DTNBP1: variants seen among roughly 807,000 people sequenced by gnomAD.
The protein encoded by DTNBP1 is dystrobrevin binding protein 1, also known as dysbindin.
In DTNBP1, 35 loss-of-function variants were observed where a neutral mutation model predicts 42.8. That is an observed-to-expected ratio of 0.82 (90% CI 0.63 to 1.09). DTNBP1 has a LOEUF of 1.09. Ranked by LOEUF, DTNBP1 falls within the 50% of genes least tolerant of loss-of-function variation. DTNBP1 has a pLI of 0.00. For missense variants in DTNBP1, 457 were observed against 424.2 expected (o/e 1.08, Z -0.68); for synonymous variants, 171 against 162.2 (o/e 1.05, Z -0.41).
intron 7 of DTNBP1, chr6:15,586,048 G>A: frequency 8.7e-7 from 1 of 1,155,104 alleles, no homozygotes; most frequent in Non-Finnish European, 1.1e-6. Flanking sequence ...CATACCAAAT[G>A]CAGCTCAAAA....
chr6:15,602,686 G>T (rs949069244), intron 6 of DTNBP1, among the ~76,000 whole-genome samples: 1 of 151,890 alleles, frequency 6.6e-6, no homozygotes, highest in Admixed American at 6.5e-5. Flanking sequence ...ATCTAACTTT[G>T]GAAAAAAGGA....
At chr6:15,549,435 A>G (rs1774080355) in intron 7 of DTNBP1, among the ~76,000 whole-genome samples, 1 of 146,024 alleles carries the variant, frequency 6.8e-6, no homozygotes. Flanking sequence ...CAGTGAGCCG[A>G]GACCGCGCCA....
intron 7 of DTNBP1, among the ~76,000 whole-genome samples, chr6:15,581,478 G>GT (rs68011795): frequency 0.48 from 43,658 of 90,330 alleles, 12,753 homozygotes; most frequent in East Asian, 0.87. Context: ...GCGCCCGACT[G>GT]TTTTTTTTTT....
At chr6:15,602,285 G>A (rs985526455) in intron 6 of DTNBP1, among the ~76,000 whole-genome samples, 8 of 152,180 alleles carry the variant, frequency 5.3e-5, no homozygotes, top group Non-Finnish European at 5.9e-5. Context: ...AGAGAGGGTA[G>A]AGAAGGGCTG....
chr6:15,531,148 G>A (rs754608750), intron 8 of DTNBP1, among the ~76,000 whole-genome samples: 7 of 152,122 alleles, frequency 4.6e-5, no homozygotes, highest in Non-Finnish European at 8.8e-5. Flanking sequence ...ATCAGAAACC[G>A]ATCGCGCCAG....
At chr6:15,582,479 AATTT>A (rs1374874700) in intron 7 of DTNBP1, among the ~76,000 whole-genome samples, 1 of 152,204 alleles carries the variant, frequency 6.6e-6, no homozygotes, top group African/African-American at 2.4e-5. Flanking sequence ...TCTTTTCACT[AATTT>A]ATTAGAGTTT....
intron 9 of DTNBP1, chr6:15,524,268 A>G (rs1384624468): frequency 4.4e-6 from 7 of 1,596,540 alleles, no homozygotes. Flanking sequence ...GAGGGAAAAC[A>G]AACAAGAAAG....
At chr6:15,633,526 A>G (rs1324921708) in intron 4 of DTNBP1, among the ~76,000 whole-genome samples, 7 of 152,248 alleles carry the variant, frequency 4.6e-5, no homozygotes, top group Admixed American at 4.6e-4. Context: ...GAGAACTCGA[A>G]TTAGAAGTGG....
At chr6:15,566,114 A>C (rs1040868122) in intron 7 of DTNBP1, among the ~76,000 whole-genome samples, 4 of 152,042 alleles carry the variant, frequency 2.6e-5, no homozygotes, top group Non-Finnish European at 5.9e-5. Context: ...AGAGATCGAG[A>C]CCATCCCGGC....
chr6:15,530,906 G>C (rs1311450196), intron 8 of DTNBP1, among the ~76,000 whole-genome samples: 1 of 152,124 alleles, frequency 6.6e-6, no homozygotes, highest in Non-Finnish European at 1.5e-5. Flanking sequence ...TATCTGTATG[G>C]ACTGAATGTG....
At chr6:15,534,637 GAGAC>G (rs1385887806) in intron 7 of DTNBP1, among the ~76,000 whole-genome samples, 1 of 136,588 alleles carries the variant, frequency 7.3e-6, no homozygotes, top group Non-Finnish European at 1.6e-5. Flanking sequence ...TCCAGCCTGG[GAGAC>G]AGAGCGAGAC....
At chr6:15,604,804 A>C (rs536517019) in intron 6 of DTNBP1, among the ~76,000 whole-genome samples, 1 of 152,346 alleles carries the variant, frequency 6.6e-6, no homozygotes, top group African/African-American at 2.4e-5. Context: ...GGCATTAACT[A>C]TAGTAGATAT....
intron 8 of DTNBP1, among the ~76,000 whole-genome samples, chr6:15,532,136 G>A (rs991993606): frequency 6.6e-6 from 1 of 152,224 alleles, no homozygotes; most frequent in Admixed American, 6.5e-5. Flanking sequence ...GAATGGGAGG[G>A]CAGGAAAACA....
At chr6:15,585,243 A>T (rs1309435223) in intron 7 of DTNBP1, among the ~76,000 whole-genome samples, 1 of 151,238 alleles carries the variant, frequency 6.6e-6, no homozygotes. Context: ...CACATATTTA[A>T]CTCTATTAAC....
intron 6 of DTNBP1, among the ~76,000 whole-genome samples, chr6:15,593,392 T>C (rs951431606): frequency 4.6e-5 from 7 of 152,280 alleles, no homozygotes; most frequent in Admixed American, 1.3e-4. Context: ...ATCCCAGCTA[T>C]GAACCATCTC....
chr6:15,581,336 C>G (rs571002958), intron 7 of DTNBP1, among the ~76,000 whole-genome samples: 2 of 152,108 alleles, frequency 1.3e-5, no homozygotes, highest in South Asian at 4.2e-4. Context: ...CCTGCCACCA[C>G]GCCTGGCTAA....
chr6:15,588,562 T>A (rs1776170210), intron 7 of DTNBP1, among the ~76,000 whole-genome samples: 1 of 152,232 alleles, frequency 6.6e-6, no homozygotes, highest in Non-Finnish European at 1.5e-5. Flanking sequence ...ATGCTCTGCA[T>A]GCCCACATTC....
intron 6 of DTNBP1, among the ~76,000 whole-genome samples, chr6:15,607,695 T>C (rs573644195): frequency 1.6e-4 from 25 of 152,368 alleles, no homozygotes; most frequent in African/African-American, 5.8e-4. Flanking sequence ...TTCTGGAGCT[T>C]ATCTGATCAC....
Position 15,577,160 on chromosome 6 carries a change from G to T in DTNBP1, c.511+15899C>A, listed in dbSNP as rs1284375545. On this transcript the variant is annotated intron_variant, in intron 7 of 9. Transcript: ENST00000344537. ...GGCGGTGGGAAAAGCTGGAGGCCTG[G>T]TTGGGCCTATGGGCCTGCTGGAGGG... is the stretch of plus-strand genomic sequence containing the variant. Among the ~76,000 whole-genome samples, 16 of 152,364 alleles carry T rather than the reference G, an allele frequency of 1.1e-4. No homozygotes were observed. In the East Asian group the frequency reaches 3.1e-3, roughly 29 times the overall value.
Sources: allele counts gnomAD v4.1 joint callset (sites outside exome capture counted in the v4.1 genomes callset), GRCh38; gene constraint gnomAD v4.1.1; transcripts MANE v1.5; gene names NCBI Gene and HGNC (gene_info 2026-07-23, HGNC 2026-07-21).